Variants in RUNX1T1 observed in about 807,000 individuals in gnomAD.
The protein encoded by RUNX1T1 is protein CBFA2T1.
Under a neutral mutation model 62.8 loss-of-function variants are expected in RUNX1T1, and 4 were observed. The ratio of observed to expected loss-of-function variants is 0.06; its 90% CI spans 0.03 to 0.15. The LOEUF is 0.15. Ranked by LOEUF, RUNX1T1 falls within the 10% of genes least tolerant of loss-of-function variation. The probability of loss-of-function intolerance (pLI) is 1.00; values close to 1 mark genes in which losing one functional copy is unlikely to be tolerated. For synonymous variants in RUNX1T1, 291 were observed against 286.0 expected, an observed-to-expected ratio of 1.02 and a Z score of -0.18; for missense variants, 508 against 754.3, an observed-to-expected ratio of 0.67 and a Z score of 3.82.
intron 1 of RUNX1T1, among the ~76,000 whole-genome samples, chr8:92,045,572 T>C (rs187009441): frequency 6.6e-6 from 1 of 152,324 alleles, no homozygotes; most frequent in East Asian, 1.9e-4. Context: ...TCCCAAATAA[T>C]GACACTCATT....
intron 2 of RUNX1T1, among the ~76,000 whole-genome samples, chr8:92,069,787 G>A (rs917458822): frequency 1.3e-5 from 2 of 152,054 alleles, no homozygotes; most frequent in Non-Finnish European, 2.9e-5. Flanking sequence ...AAATCTCAAT[G>A]CAATTCCCTT....
chr8:92,092,980 T>C (rs1837270693), intron 1 of RUNX1T1, among the ~76,000 whole-genome samples: 1 of 152,208 alleles, frequency 6.6e-6, no homozygotes, highest in South Asian at 2.1e-4. Context: ...GGAGCAGATG[T>C]AGCAGTTTAA....
At chr8:91,984,342 T>A (rs2130805463) in intron 8 of RUNX1T1, among the ~76,000 whole-genome samples, 1 of 152,286 alleles carries the variant, frequency 6.6e-6, no homozygotes, top group East Asian at 1.9e-4. Context: ...CTCGCTTAGG[T>A]ATGAAGTCTG....
rs765599661 is a variant in RUNX1T1 at position 91,960,523 on chromosome 8, G to A, written c.1459-6C>T. ...CGGCCACAATTCCAGCAACTCTAAAGGAGAAGGCAGAAGAAAGCAAGATCC... is the reference window on the plus strand; with the variant it reads ...CGGCCACAATTCCAGCAACTCTAAAAGAGAAGGCAGAAGAAAGCAAGATCC... On this transcript the variant is annotated splice_region_variant and splice_polypyrimidine_tract_variant and intron_variant, in intron 10 of 10. Transcript: ENST00000396218. 6.2e-7 allele frequency: 1 copy of A among 1,613,348 alleles called. No individual in the cohort carries two copies. The highest frequency in any genetic ancestry group is 2.2e-5 in the East Asian group (1 of 44,870).
At chr8:91,975,492 T>A (rs1271869857) in intron 9 of RUNX1T1, among the ~76,000 whole-genome samples, 1 of 152,076 alleles carries the variant, frequency 6.6e-6, no homozygotes, top group Non-Finnish European at 1.5e-5. Flanking sequence ...TTCGTTTTTT[T>A]TTTTTTTGGA....
exon 11 of RUNX1T1, chr8:91,959,411 CTTGTGT>C (rs1481629872): frequency 6.7e-4 from 108 of 161,830 alleles, no homozygotes; most frequent in East Asian, 4.3e-3. Flanking sequence ...GAGTCTCTTA[CTTGTGT>C]GTGTGTGTGT....
At chr8:92,013,824 TA>T (rs1424702881) in intron 3 of RUNX1T1, among the ~76,000 whole-genome samples, 1 of 152,202 alleles carries the variant, frequency 6.6e-6, no homozygotes, top group Non-Finnish European at 1.5e-5. Context: ...AACAAAGATT[TA>T]TTTTTTTTAA....
intron 1 of RUNX1T1, among the ~76,000 whole-genome samples, chr8:92,086,287 C>T (rs1020097344): frequency 3.3e-5 from 5 of 152,198 alleles, no homozygotes; most frequent in Non-Finnish European, 5.9e-5. Flanking sequence ...AATTATTTTA[C>T]AAACAAAGTC....
chr8:92,060,840 A>G (rs977390719), intron 1 of RUNX1T1, among the ~76,000 whole-genome samples: 3 of 152,104 alleles, frequency 2.0e-5, no homozygotes, highest in African/African-American at 7.2e-5. Flanking sequence ...CTGCTCAAGT[A>G]TCGCCATTCT....
chr8:92,103,179 C>T, upstream of RUNX1T1: 1 of 353,832 alleles, frequency 2.8e-6, no homozygotes, highest in South Asian at 1.3e-4. Context: ...CCGCCTCCCT[C>T]CCTCCCTCCG....
At chr8:92,076,872 C>T (rs1011053030) in intron 1 of RUNX1T1, among the ~76,000 whole-genome samples, 8 of 151,986 alleles carry the variant, frequency 5.3e-5, no homozygotes, top group Non-Finnish European at 1.5e-5. Flanking sequence ...AATGAGACCA[C>T]TACTATCACT....
At chr8:92,094,911 G>C (rs1407015680) in intron 1 of RUNX1T1, 25 of 716,478 alleles carry the variant, frequency 3.5e-5, no homozygotes, top group Non-Finnish European at 5.2e-5. Context: ...TTCATCTAAA[G>C]GCTTCAGCGT....
intron 1 of RUNX1T1, among the ~76,000 whole-genome samples, chr8:92,028,869 A>C (rs1367358597): frequency 1.3e-5 from 2 of 152,218 alleles, no homozygotes; most frequent in Non-Finnish European, 2.9e-5. Flanking sequence ...GGAAAGTAAA[A>C]AAAAACAAAC....
chr8:92,096,499 C>G (rs188227357), intron 1 of RUNX1T1, among the ~76,000 whole-genome samples: 1 of 152,294 alleles, frequency 6.6e-6, no homozygotes, highest in East Asian at 1.9e-4. Context: ...CTTTTAAATA[C>G]ACCCATCAGA....
chr8:92,003,272 A>G (rs1321310800), intron 5 of RUNX1T1: 1 of 434,416 alleles, frequency 2.3e-6, no homozygotes, highest in Non-Finnish European at 4.6e-6. Context: ...AAGTTTTCAT[A>G]TCAGTGTTAA....
Position 91,996,653 on chromosome 8 carries a change from T to A in RUNX1T1, c.660-4764A>T, listed in dbSNP as rs1445673030. ...TCAGGGGATCCTTAGGACTCAGCCGTGTGATCTCCAGTTACTTAACTTTCT... is the reference window on the plus strand; with the variant it reads ...TCAGGGGATCCTTAGGACTCAGCCGAGTGATCTCCAGTTACTTAACTTTCT... On this transcript the variant is annotated intron_variant, in intron 5 of 10. Transcript: ENST00000396218. 2.0e-5 allele frequency among the ~76,000 whole-genome samples: 3 copies of A among 152,168 alleles called. No homozygotes were observed. In the East Asian group the frequency reaches 5.8e-4, roughly 29 times the overall value.
intron 1 of RUNX1T1, among the ~76,000 whole-genome samples, chr8:92,034,708 A>C (rs1257734042): frequency 6.6e-6 from 1 of 151,276 alleles, no homozygotes; most frequent in Non-Finnish European, 1.5e-5. Context: ...GTATACATAT[A>C]TATACACATA....
At chr8:92,003,718 C>T (rs1820196043) in intron 5 of RUNX1T1, among the ~76,000 whole-genome samples, 1 of 152,138 alleles carries the variant, frequency 6.6e-6, no homozygotes, top group Non-Finnish European at 1.5e-5. Context: ...ATTGTTGAGC[C>T]ACCTCTTGGT....
At chr8:92,025,528 T>A (rs904453267) in intron 1 of RUNX1T1, among the ~76,000 whole-genome samples, 1 of 152,182 alleles carries the variant, frequency 6.6e-6, no homozygotes, top group African/African-American at 2.4e-5. Context: ...CCTTTAAAAC[T>A]TCCTTCAGGT....
Sources: allele counts gnomAD v4.1 joint callset (sites outside exome capture counted in the v4.1 genomes callset), GRCh38; gene constraint gnomAD v4.1.1; transcripts MANE v1.5; gene names NCBI Gene and HGNC (gene_info 2026-07-23, HGNC 2026-07-21).